The following ZC3H13 variants were observed in gnomAD, a reference collection of about 807,000 sequenced individuals.
ZC3H13 encodes zinc finger CCCH domain-containing protein 13.
In ZC3H13, 64 loss-of-function variants were observed where a neutral mutation model predicts 204.1. That is an observed-to-expected ratio of 0.31 (90% confidence interval 0.26 to 0.39). ZC3H13 has a LOEUF of 0.39. Among genes scored for constraint, ZC3H13 ranks in the 10% least tolerant of loss-of-function variants. ZC3H13 has a pLI of 1.00. For missense variants in ZC3H13, 1,833 were observed against 2,082.7 expected (o/e 0.88, Z 2.33); for synonymous variants, 667 against 693.7 (o/e 0.96, Z 0.60).
intron 4 of ZC3H13, among the ~76,000 whole-genome samples, chr13:46,020,853 A>C (rs2042179377): frequency 6.6e-6 from 1 of 152,134 alleles, no homozygotes; most frequent in Non-Finnish European, 1.5e-5. Flanking sequence ...AATATTAAAG[A>C]GTAGCTAAGA....
chr13:45,983,585 C>T lies in ZC3H13; in HGVS notation c.1720+1712G>A, dbSNP rs1953899082. On this transcript the variant is annotated intron_variant, in intron 10 of 18. Coordinates refer to ENST00000679008, the MANE Select transcript of ZC3H13 (RefSeq NM_001330564.2). ...GGGATTACAGGCGCCCACCACCACG[C>T]CCGGCTAATTTTTTTGTATTTTTAG... Among the ~76,000 whole-genome samples the T allele has an allele frequency of 2.7e-5, 4 of 149,030 alleles. No individual in the cohort carries two copies. The South Asian group carries it at 8.5e-4, about 31-fold the overall frequency.
rs544761360 is a variant in ZC3H13 at position 46,006,883 on chromosome 13, T to A, written c.746+3465A>T. 5.3e-5 allele frequency among the ~76,000 whole-genome samples: 8 copies of A among 151,612 alleles called. No homozygotes were observed. In the South Asian group the frequency reaches 1.7e-3, roughly 32 times the overall value. On this transcript the variant is annotated intron_variant, in intron 7 of 18. Transcript: ENST00000679008. ...TAGGAAATTACTAAAATATGACGAC[T>A]AAATCTAGTTTTCATCCTTGTCTTC...
At chr13:46,029,159 G>C (rs989581586) in intron 4 of ZC3H13, among the ~76,000 whole-genome samples, 1 of 152,022 alleles carries the variant, frequency 6.6e-6, no homozygotes, top group Non-Finnish European at 1.5e-5. Context: ...ATATGATAAA[G>C]GTATACTATG....
At position 45,967,759 on chromosome 13, in the gene ZC3H13, C is replaced by G; in HGVS notation, c.4066G>C (p.Asp1356His). 1 of 1,612,290 alleles carries G rather than the reference C, an allele frequency of 6.2e-7. No individual in the cohort carries two copies. The highest frequency in any genetic ancestry group is 1.1e-5 in the South Asian group (1 of 90,934). The stretch of plus-strand genomic sequence containing the variant: ...GAAATTAGTCTCTCTCTTTCCCTAT[C>G]CAAGTCTCTCCTTTTGTCTCGTTCT... ...ERERDKRRDLDRERERLISDS... is the reference protein window; with the variant it reads ...ERERDKRRDLHRERERLISDS... The change falls in exon 15 of 19, where the codon GAT becomes CAT. Residue 1356 changes from aspartate to histidine, a missense_variant. This residue lies in a region of ZC3H13 where 1,574 missense variants were observed against 1,757.2 expected (regional missense o/e 0.90). Transcript: ENST00000679008.
chr13:45,955,756 C>G lies in ZC3H13; in HGVS notation c.*1371G>C, dbSNP rs1951243753. 1 of 152,052 alleles carries G rather than the reference C, an allele frequency of 6.6e-6. No individual in the cohort carries two copies. The highest frequency in any genetic ancestry group is 1.5e-5 in the Non-Finnish European group (1 of 67,974). 9.4% of individuals were successfully genotyped at this position (152,052 alleles called of 1,614,324 possible). A position where few individuals can be genotyped will look rare whatever the true frequency, so the allele number is the denominator to read the frequency against. On this transcript the variant is annotated 3_prime_UTR_variant, in exon 19 of 19. Coordinates refer to ENST00000679008, the MANE Select transcript of ZC3H13 (RefSeq NM_001330564.2). The stretch of plus-strand genomic sequence containing the variant: ...TTAAAGTCTTCTCCTGCTCTGTTTG[C>G]AATTATACATGCTTTCAAAGTCATT...
At position 46,032,246 on chromosome 13, in the gene ZC3H13, A is replaced by T. The variant is rs79766829; in HGVS notation, c.339+9918T>A. 8.1e-3 allele frequency among the ~76,000 whole-genome samples: 1,234 copies of T among 152,192 alleles called. 16 individuals carry two copies. Among genetic ancestry groups the T allele is most frequent in the African/African-American group, 0.028 (1,163 of 41,526 alleles). ...TTTGCTGTGATCCTAAAACTGTATA[A>T]AACATAGTGTTTTTCTAAAACCAGA... On this transcript the variant is annotated intron_variant, in intron 4 of 18. Coordinates refer to ENST00000679008, the MANE Select transcript of ZC3H13 (RefSeq NM_001330564.2).
intron 5 of ZC3H13, among the ~76,000 whole-genome samples, chr13:46,018,689 G>A: frequency 6.6e-6 from 1 of 152,192 alleles, no homozygotes; most frequent in East Asian, 1.9e-4. Flanking sequence ...TGAAAGCATA[G>A]ATTTATGGAG....
chr13:45,982,917 T>G (rs536784208), intron 10 of ZC3H13, among the ~76,000 whole-genome samples: 6 of 152,058 alleles, frequency 3.9e-5, no homozygotes, highest in Non-Finnish European at 7.4e-5. Flanking sequence ...AAGAAAGAAA[T>G]AACTCAATTT....
intron 3 of ZC3H13, among the ~76,000 whole-genome samples, chr13:46,042,782 T>G (rs2139158101): frequency 6.6e-6 from 1 of 152,138 alleles, no homozygotes; most frequent in South Asian, 2.1e-4. Flanking sequence ...TGTGGTTGGA[T>G]GCAACATCAA....
chr13:45,963,923 C>T lies in ZC3H13; in HGVS notation c.4594G>A (p.Gly1532Arg), dbSNP rs761165369. 4 of 1,614,056 alleles carry T rather than the reference C, an allele frequency of 2.5e-6. No individual in the cohort carries two copies. Among genetic ancestry groups the T allele is most frequent in the Non-Finnish European group, 1.7e-6 (2 of 1,179,998 alleles). Residue 1532 changes from glycine (G) to arginine (R), a missense_variant, in exon 17 of 19, where the codon GGG becomes AGG. Physicochemically the swap from Gly to Arg is moderately radical, Grantham distance 125 (BLOSUM62 -2). Around this residue, in one of 5 missense-constraint regions of ZC3H13, gnomAD observed 211 missense variants for 228.4 expected, o/e 0.92. Transcript: ENST00000679008. ...GAACCTGCCAACTTTTTAGAAATCC[C>T]AACTCTTAGCATAACAGCTCCAGGT... ...FTPGAVMLRV[G>R]ISKKLAGSEL...
Position 45,968,839 on chromosome 13 carries a change from T to C in ZC3H13, c.3705A>G (p.Arg1235=). The C allele has an allele frequency of 6.2e-7, 1 of 1,614,106 alleles. No homozygotes were observed. ...KRVLHSGSRD[R]EKTKSLEITG... is the part of the protein sequence containing the mutation. ...TGATTTCCAGGCTTTTTGTTTTTTC[T>C]CTATCTCTTGAGCCACTGTGCAGTA... The change falls in exon 14 of 19, where the codon AGA becomes AGG. Residue 1235 remains arginine, a synonymous_variant. Coordinates refer to ENST00000679008, the MANE Select transcript of ZC3H13 (RefSeq NM_001330564.2).
intron 17 of ZC3H13, among the ~76,000 whole-genome samples, chr13:45,959,870 A>G (rs1951548374): frequency 6.6e-6 from 1 of 152,322 alleles, no homozygotes; most frequent in South Asian, 2.1e-4. Flanking sequence ...CTTTAAATTT[A>G]CTTAAAATAT....
intron 4 of ZC3H13, among the ~76,000 whole-genome samples, chr13:46,032,362 C>CAAAAAAAAAAAAAAAAAACA (rs11323386): frequency 1.0e-5 from 1 of 99,662 alleles, no homozygotes; most frequent in East Asian, 2.9e-4. Context: ...AGAAAAAGAC[C>CAAAAAAAAAAAAAAAAAACA]AAAAAAAAAA....
chr13:46,016,090 T>C (rs2041892358), intron 5 of ZC3H13, among the ~76,000 whole-genome samples: 1 of 152,066 alleles, frequency 6.6e-6, no homozygotes, highest in East Asian at 1.9e-4. Context: ...TACTACAAAA[T>C]TTTAGAACAG....
intron 3 of ZC3H13, 118 bp from the exon 4 acceptor site, chr13:46,042,393 A>C (rs2043648072): frequency 1.6e-6 from 1 of 635,738 alleles, no homozygotes; most frequent in Non-Finnish European, 2.5e-6. Flanking sequence ...ACAAATCTCA[A>C]TACACTTTTT....
intron 3 of ZC3H13, among the ~76,000 whole-genome samples, chr13:46,044,172 T>C (rs1328194166): frequency 7.9e-6 from 1 of 126,914 alleles, no homozygotes; most frequent in South Asian, 2.5e-4. Flanking sequence ...ATCATTCAAC[T>C]AAAAAAAAAA....
chr13:45,960,992 C>T (rs938176605), intron 17 of ZC3H13, among the ~76,000 whole-genome samples: 2 of 152,048 alleles, frequency 1.3e-5, no homozygotes, highest in African/African-American at 2.4e-5. Context: ...TAGAAAAGCC[C>T]GAAACTAGTT....
chr13:45,997,689 C>T (rs2040438949), intron 8 of ZC3H13, among the ~76,000 whole-genome samples: 2 of 152,194 alleles, frequency 1.3e-5, no homozygotes, highest in South Asian at 4.2e-4. Context: ...GTCAGAGGAT[C>T]GTGTAGCATT....
rs370794428 is a variant in ZC3H13, at chr13:46,003,343, G to A, written c.747-7C>T. 3.0e-5 allele frequency: 48 copies of A among 1,602,276 alleles called. No homozygotes were observed. In the African/African-American group the frequency reaches 5.0e-4, roughly 17 times the overall value. ...TTGGTTGGTTTTTGAATTTCTGAAG[G>A]TAACAAAAAGCTATCATTAGAGGTT... On this transcript the variant is annotated splice_region_variant and splice_polypyrimidine_tract_variant and intron_variant, in intron 7 of 18. Coordinates refer to ENST00000679008, the MANE Select transcript of ZC3H13 (RefSeq NM_001330564.2).
Sources: gnomAD v4.1 joint callset for allele counts (sites outside exome capture counted in the v4.1 genomes callset) on GRCh38, gnomAD v4.1.1 for gene constraint, gnomAD v4.1.1 regional missense constraint, MANE v1.5 for transcripts, NCBI Gene and HGNC (gene_info 2026-07-23, HGNC 2026-07-21) for gene names.